The following MACROD2 variants were observed in gnomAD, a reference collection of about 807,000 sequenced individuals.
MACROD2 encodes the protein mono-ADP ribosylhydrolase 2, also known as ADP-ribose glycohydrolase MACROD2.
Under a neutral mutation model 70.4 loss-of-function variants are expected in MACROD2, and 36 were observed. The observed-to-expected ratio is 0.51, with a 90% CI of 0.39 to 0.68. The LOEUF (loss-of-function observed/expected upper bound fraction) is 0.68. Ranked by LOEUF, MACROD2 falls within the 30% of genes least tolerant of loss-of-function variation. The pLI, the probability that MACROD2 is intolerant of heterozygous loss-of-function variation, is 0.00. For missense variants in MACROD2, 496 were observed against 538.4 expected (o/e 0.92, Z 0.78); for synonymous variants, 172 against 178.8 (o/e 0.96, Z 0.30).
chr20:15,337,180 G>A (rs2078057818), intron 6 of MACROD2, among the ~76,000 whole-genome samples: 1 of 151,766 alleles, frequency 6.6e-6, no homozygotes, highest in Admixed American at 6.6e-5. Flanking sequence ...AATATGCTGA[G>A]TATTCTCAAA....
intron 3 of MACROD2, among the ~76,000 whole-genome samples, chr20:14,201,949 A>C (rs1186471759): frequency 6.6e-6 from 1 of 151,952 alleles, no homozygotes; most frequent in African/African-American, 2.4e-5. Flanking sequence ...TATTGCTAAT[A>C]ATATGTAATT....
At chr20:14,966,179 T>G (rs183891184) in intron 5 of MACROD2, among the ~76,000 whole-genome samples, 1 of 152,334 alleles carries the variant, frequency 6.6e-6, no homozygotes, top group East Asian at 1.9e-4. Flanking sequence ...ATTTTAGATG[T>G]TATCTTTTGA....
At chr20:15,415,241 T>G (rs956107464) in intron 6 of MACROD2, among the ~76,000 whole-genome samples, 14 of 152,214 alleles carry the variant, frequency 9.2e-5, no homozygotes, top group Admixed American at 7.9e-4. Flanking sequence ...ATATGTTAGT[T>G]CCAAAAGGAA....
chr20:15,326,056 G>A (rs1350736197), intron 6 of MACROD2, among the ~76,000 whole-genome samples: 1 of 152,044 alleles, frequency 6.6e-6, no homozygotes, highest in African/African-American at 2.4e-5. Context: ...TTTCTTAATT[G>A]CAAAAGTGAT....
At chr20:15,390,791 T>G (rs2045782195) in intron 6 of MACROD2, among the ~76,000 whole-genome samples, 1 of 152,230 alleles carries the variant, frequency 6.6e-6, no homozygotes, top group Non-Finnish European at 1.5e-5. Context: ...TAAGCAGGCA[T>G]TTAGAAATGT....
intron 4 of MACROD2, among the ~76,000 whole-genome samples, chr20:14,654,042 C>T (rs1271849291): frequency 2.0e-5 from 3 of 152,076 alleles, no homozygotes; most frequent in African/African-American, 7.2e-5. Context: ...ATTTTTGTCT[C>T]ACAGTCTACT....
At chr20:14,845,100 TTCTC>T (rs542310992) in intron 5 of MACROD2, among the ~76,000 whole-genome samples, 1 of 152,080 alleles carries the variant, frequency 6.6e-6, no homozygotes, top group African/African-American at 2.4e-5. Context: ...AGCAACCTCT[TTCTC>T]TCTCATGTGA....
At chr20:14,217,773 T>C (rs1178818862) in intron 3 of MACROD2, among the ~76,000 whole-genome samples, 2 of 152,204 alleles carry the variant, frequency 1.3e-5, no homozygotes, top group Non-Finnish European at 2.9e-5. Flanking sequence ...CTGTGTCCTC[T>C]AGGTTTTCTA....
intron 5 of MACROD2, among the ~76,000 whole-genome samples, chr20:14,788,853 C>T (rs934361890): frequency 2.8e-5 from 4 of 144,956 alleles, no homozygotes; most frequent in Non-Finnish European, 6.0e-5. Context: ...ACTGCAATCT[C>T]CGCTTCCTGG....
At chr20:14,574,820 G>A (rs986370055) in intron 4 of MACROD2, among the ~76,000 whole-genome samples, 1 of 148,396 alleles carries the variant, frequency 6.7e-6, no homozygotes, top group African/African-American at 2.5e-5. Context: ...GACCATCCTG[G>A]CTAACAAGGT....
chr20:14,639,132 G>A (rs983303662), intron 4 of MACROD2, among the ~76,000 whole-genome samples: 9 of 152,076 alleles, frequency 5.9e-5, no homozygotes, highest in South Asian at 2.1e-4. Context: ...GTTTAATCTC[G>A]GCAGCAACAA....
chr20:15,167,358 T>G (rs1404901166), intron 5 of MACROD2, among the ~76,000 whole-genome samples: 1 of 152,160 alleles, frequency 6.6e-6, no homozygotes, highest in Non-Finnish European at 1.5e-5. Flanking sequence ...TACTTAGCAT[T>G]AGTTGGTAAA....
intron 16 of MACROD2, 102 bp downstream of exon 16, chr20:16,041,380 A>G (rs2147611634): frequency 1.1e-6 from 1 of 934,638 alleles, no homozygotes; most frequent in Non-Finnish European, 1.6e-6. Flanking sequence ...AAAGCAACAT[A>G]TTTGGTTAGA....
intron 5 of MACROD2, among the ~76,000 whole-genome samples, chr20:15,044,982 G>T (rs1011453127): frequency 1.3e-5 from 2 of 152,090 alleles, no homozygotes; most frequent in Non-Finnish European, 2.9e-5. Context: ...GTCAATGTAA[G>T]AGTTTTCTAC....
intron 8 of MACROD2, among the ~76,000 whole-genome samples, chr20:15,779,727 A>G (rs1276392580): frequency 6.6e-6 from 1 of 152,150 alleles, no homozygotes. Context: ...ACTTCTTCCC[A>G]TAAAGACTTA....
intron 3 of MACROD2, among the ~76,000 whole-genome samples, chr20:14,446,259 C>T (rs1478525074): frequency 6.6e-6 from 1 of 152,008 alleles, no homozygotes; most frequent in Non-Finnish European, 1.5e-5. Flanking sequence ...ATATTTTCTG[C>T]TATTCACTGC....
At chr20:15,764,209 A>G (rs2147002667) in intron 8 of MACROD2, among the ~76,000 whole-genome samples, 1 of 152,206 alleles carries the variant, frequency 6.6e-6, no homozygotes, top group Middle Eastern at 3.4e-3. Flanking sequence ...CCTAGTGTTT[A>G]TGTTCTATTT....
At chr20:14,553,065 T>G (rs1016402224) in intron 4 of MACROD2, among the ~76,000 whole-genome samples, 2 of 152,024 alleles carry the variant, frequency 1.3e-5, no homozygotes, top group Admixed American at 1.3e-4. Context: ...ATTTTTAACT[T>G]TTTTACTATT....
intron 5 of MACROD2, among the ~76,000 whole-genome samples, chr20:14,862,504 TATAAATATATATATAA>T: frequency 6.4e-4 from 23 of 35,828 alleles, no homozygotes; most frequent in Non-Finnish European, 7.9e-4. Context: ...TATAAATATA[TATAAATATATATATAA>T]ATATAAATAT....
Sources: allele counts gnomAD v4.1 joint callset (sites outside exome capture counted in the v4.1 genomes callset), GRCh38; gene constraint gnomAD v4.1.1; transcripts MANE v1.5; gene names NCBI Gene and HGNC (gene_info 2026-07-23, HGNC 2026-07-21).